Variants in PITX3 observed in about 807,000 individuals in gnomAD.
PITX3 encodes pituitary homeobox 3.
A neutral mutation model predicts 14.2 loss-of-function variants in PITX3; 4 were observed. The ratio of observed to expected loss-of-function variants is 0.28; its 90% CI spans 0.14 to 0.65. PITX3 has a LOEUF of 0.65. PITX3 is among the 30% of genes least tolerant of loss of function. PITX3 has a pLI of 0.82. For missense variants in PITX3, 358 were observed against 426.8 expected, an observed-to-expected ratio of 0.84 and a Z score of 1.42; for synonymous variants, 194 against 204.5, an observed-to-expected ratio of 0.95 and a Z score of 0.44.
chr10:102,232,155 C>T, intron 1 of PITX3, 63 bp from the exon 2 acceptor site: 1 of 909,444 alleles, frequency 1.1e-6, no homozygotes, highest in Non-Finnish European at 1.7e-6. Flanking sequence ...TAGCTAGGTC[C>T]CAGCAGCGTT....
chr10:102,233,457 CCA>C (rs912711240), intron 1 of PITX3, among the ~76,000 whole-genome samples: 1 of 151,846 alleles, frequency 6.6e-6, no homozygotes, highest in Non-Finnish European at 1.5e-5. Flanking sequence ...GCACGTGCCC[CCA>C]CGCCTGGCTA....
chr10:102,239,982 C>T (rs925512260), intron 1 of PITX3, among the ~76,000 whole-genome samples: 2 of 152,236 alleles, frequency 1.3e-5, no homozygotes, highest in Non-Finnish European at 2.9e-5. Context: ...TTCCCACCTC[C>T]GCTCAGCCAC....
chr10:102,235,209 A>C (rs2070361815), intron 1 of PITX3, among the ~76,000 whole-genome samples: 1 of 61,988 alleles, frequency 1.6e-5, no homozygotes. Context: ...GCCCCTCTGA[A>C]CCTCAGCTCT....
In PITX3 at chr10:102,234,717, A is replaced by C. The variant is rs150268660; in HGVS notation, c.-12-2625T>G. Among the ~76,000 whole-genome samples, 315 of 152,326 alleles carry C rather than the reference A, an allele frequency of 2.1e-3. 1 individual carries two copies. Among genetic ancestry groups the C allele is most frequent in the African/African-American group, 6.9e-3 (286 of 41,568 alleles). On this transcript the variant is annotated intron_variant, in intron 1 of 3. Transcript: ENST00000370002. ...TGACTTTTCCAGAGGCCATGGAAGC[A>C]ACATGGAGCTGGGAAAAAACCCAGA...
intron 1 of PITX3, among the ~76,000 whole-genome samples, chr10:102,235,169 C>CCCT (rs2070354854): frequency 1.4e-5 from 1 of 71,552 alleles, no homozygotes; most frequent in African/African-American, 7.1e-5. Context: ...TTACCCTTCC[C>CCCT]CCACCCCCCA....
chr10:102,239,610 C>T (rs1017416746), intron 1 of PITX3, among the ~76,000 whole-genome samples: 1 of 152,192 alleles, frequency 6.6e-6, no homozygotes, highest in East Asian at 1.9e-4. Context: ...ATGGGGAATA[C>T]GTATTGTATG....
intron 1 of PITX3, among the ~76,000 whole-genome samples, chr10:102,232,327 G>A (rs1264032874): frequency 6.6e-6 from 1 of 152,178 alleles, no homozygotes; most frequent in Non-Finnish European, 1.5e-5. Flanking sequence ...TTCGTTTACT[G>A]CTGGGAACTA....
In PITX3 at chr10:102,230,763, C is replaced by T. The variant is rs1157393111; in HGVS notation, c.660G>A (p.Gly220=). Residue 220 remains glycine (G), a synonymous_variant, in exon 4 of 4, where the codon GGG becomes GGA. Coordinates refer to ENST00000370002, the MANE Select transcript of PITX3 (RefSeq NM_005029.4). ...CGGCCGGAGCCAGCCCGGGGGGGCC[C>T]CCGCCCAGGCCCTGCAGGGCCCCAG... ...PGPGALQGLG[G]GPPGLAPAAV... 6.7e-7 allele frequency: 1 copy of T among 1,496,876 alleles called. No homozygotes were observed. The highest frequency in any genetic ancestry group is 1.3e-5 in the South Asian group (1 of 76,324). The allele number at this position is 1,496,876 out of a possible 1,614,324, so 92.7% of individuals were successfully genotyped here.
Position 102,230,702 on chromosome 10 carries a change from A to G in PITX3, c.721T>C (p.Ser241Pro). The G allele has an allele frequency of 6.4e-7, 1 of 1,559,694 alleles. No individual in the cohort carries two copies. The highest frequency in any genetic ancestry group is 8.7e-7 in the Non-Finnish European group (1 of 1,152,572). ...SSGAVSCPYA[S>P]AAAAAAAAAS... Reference sequence around the variant, plus strand: ...GCAGCCGCGGCGGCGGCGGCGGCCGAGGCATAAGGGCAGGACACGGCCCCG... The same window carrying G: ...GCAGCCGCGGCGGCGGCGGCGGCCGGGGCATAAGGGCAGGACACGGCCCCG... The change falls in exon 4 of 4, where the codon TCG (serine) becomes CCG (proline). Residue 241 changes from serine (S) to proline (P), a missense_variant. By Grantham distance (74) the Ser-to-Pro change is moderately conservative. This residue lies in a region of PITX3 where 236 missense variants were observed against 250.2 expected (regional missense o/e 0.94). Coordinates refer to ENST00000370002, the MANE Select transcript of PITX3 (RefSeq NM_005029.4).
Position 102,230,390 on chromosome 10 carries a change from C to A in PITX3, c.*124G>T. 1 of 1,428,704 alleles carries A rather than the reference C, an allele frequency of 7.0e-7. No homozygotes were observed. The highest frequency in any genetic ancestry group is 2.1e-5 in the Admixed American group (1 of 46,570). 88.5% of individuals were successfully genotyped at this position (1,428,704 alleles called of 1,614,324 possible). The stretch of plus-strand genomic sequence containing the variant: ...GAAGGCCCTCTCCTGAGCCGGTGCC[C>A]CCCAGCTGCCCAAACACCCCTTTCA... On this transcript the variant is annotated 3_prime_UTR_variant, in exon 4 of 4. Coordinates refer to ENST00000370002, the MANE Select transcript of PITX3 (RefSeq NM_005029.4).
At chr10:102,231,195 G>A in intron 3 of PITX3, 94 bp from the exon 4 acceptor site, 4 of 1,251,182 alleles carry the variant, frequency 3.2e-6, no homozygotes, top group Non-Finnish European at 4.3e-6. Flanking sequence ...CCGGGGCCCT[G>A]CGGTCAATAA....
rs775676668 is a variant in PITX3 at position 102,231,134 on chromosome 10, G to T, written c.322-33C>A. The stretch of plus-strand genomic sequence containing the variant: ...CACGGGAGAAAGGCGGTCAGGGCCC[G>T]GGGCCGGGTCCCAGCGGCTGAAGGG... On this transcript the variant is annotated intron_variant, in intron 3 of 3. Transcript: ENST00000370002. The T allele has an allele frequency of 2.7e-6, 4 of 1,487,726 alleles. 1 individual carries two copies. In the South Asian group the frequency reaches 4.1e-5, roughly 15 times the overall value. The allele number at this position is 1,487,726 out of a possible 1,614,324, so 92.2% of individuals were successfully genotyped here. A position where few individuals can be genotyped will look rare whatever the true frequency, so the allele number is the denominator to read the frequency against.
At chr10:102,237,246 G>C in intron 1 of PITX3, among the ~76,000 whole-genome samples, 1 of 152,222 alleles carries the variant, frequency 6.6e-6, no homozygotes, top group East Asian at 1.9e-4. Context: ...AGATCAGAGA[G>C]AGGGAAGCCC....
At chr10:102,231,918 G>A (rs772814026) in intron 2 of PITX3, 45 bp downstream of exon 2, 197 of 1,565,098 alleles carry the variant, frequency 1.3e-4, no homozygotes, top group Non-Finnish European at 1.7e-4. Context: ...CCGCACTGGG[G>A]ATGAAGCTGT....
Position 102,230,835 on chromosome 10 carries a change from G to T in PITX3, c.588C>A (p.Ala196=). Residue 196 remains alanine, a synonymous_variant, in exon 4 of 4, where the codon GCC becomes GCA. Coordinates refer to ENST00000370002, the MANE Select transcript of PITX3 (RefSeq NM_005029.4). ...PVFSPPSSIA[A]SMVPSAAAAP... ...CAGCCGCGGCGGAGGGCACCATGGA[G>T]GCGGCGATGGAGCTGGGTGGCGAGA... 9 of 1,583,478 alleles carry T rather than the reference G, an allele frequency of 5.7e-6. No individual in the cohort carries two copies. Among genetic ancestry groups the T allele is most frequent in the Non-Finnish European group, 7.7e-6 (9 of 1,165,768 alleles).
At chr10:102,231,852 G>A in intron 2 of PITX3, 62 bp from the exon 3 acceptor site, 1 of 1,584,876 alleles carries the variant, frequency 6.3e-7, no homozygotes, top group African/African-American at 1.3e-5. Context: ...CTCCGGCTCG[G>A]GGACCTCCTA....
At chr10:102,239,966 G>A (rs1343728152) in intron 1 of PITX3, among the ~76,000 whole-genome samples, 1 of 152,240 alleles carries the variant, frequency 6.6e-6, no homozygotes, top group East Asian at 1.9e-4. Flanking sequence ...GATTCCATGA[G>A]CCTCCTTCCC....
intron 1 of PITX3, among the ~76,000 whole-genome samples, chr10:102,235,972 T>C (rs1430680247): frequency 6.6e-6 from 1 of 152,178 alleles, no homozygotes; most frequent in Non-Finnish European, 1.5e-5. Context: ...TTTAGGCTCT[T>C]GCATGGGCTA....
chr10:102,235,259 G>T (rs747018811), intron 1 of PITX3, among the ~76,000 whole-genome samples: 1 of 151,156 alleles, frequency 6.6e-6, no homozygotes, highest in Non-Finnish European at 1.5e-5. Flanking sequence ...GGGAGGAGCA[G>T]GCCAAGGGGC....
Sources: gnomAD v4.1 joint callset for allele counts (sites outside exome capture counted in the v4.1 genomes callset) on GRCh38, gnomAD v4.1.1 for gene constraint, gnomAD v4.1.1 regional missense constraint, MANE v1.5 for transcripts, NCBI Gene and HGNC (gene_info 2026-07-23, HGNC 2026-07-21) for gene names.